The following MCM5 variants were observed in gnomAD, a reference collection of about 807,000 sequenced individuals.
MCM5 encodes DNA replication licensing factor MCM5.
A neutral mutation model predicts 79.9 loss-of-function variants in MCM5; 46 were observed. The observed-to-expected ratio is 0.58, with a 90% confidence interval of 0.45 to 0.74. The LOEUF (loss-of-function observed/expected upper bound fraction) is 0.74. MCM5 is among the 30% of genes least tolerant of loss of function. MCM5 has a pLI of 0.00. For missense variants in MCM5, 883 were observed against 1,017.0 expected, an observed-to-expected ratio of 0.87 and a Z score of 1.79; for synonymous variants, 404 against 390.5, an observed-to-expected ratio of 1.03 and a Z score of -0.41.
chr22:35,415,550 G>T (rs1283527515), intron 9 of MCM5, among the ~76,000 whole-genome samples: 1 of 152,172 alleles, frequency 6.6e-6, no homozygotes, highest in Non-Finnish European at 1.5e-5. Context: ...TCTGTGAGTT[G>T]GGCCTCACAA....
intron 5 of MCM5, 116 bp downstream of exon 5, chr22:35,406,841 G>A (rs1266091556): frequency 4.5e-6 from 5 of 1,110,756 alleles, no homozygotes; most frequent in Non-Finnish European, 3.9e-6. Flanking sequence ...GGGATGGGCT[G>A]GGCAGGGGTG....
At chr22:35,437,201 C>T in the MCM5 span, among the ~76,000 whole-genome samples, 17 of 146,434 alleles carry the variant, frequency 1.2e-4, no homozygotes, top group Admixed American at 6.2e-4. Context: ...GGCAGTGCCC[C>T]GAACATACTG....
the MCM5 span, among the ~76,000 whole-genome samples, chr22:35,439,917 C>T: frequency 6.6e-6 from 1 of 152,240 alleles, no homozygotes; most frequent in Non-Finnish European, 1.5e-5. Context: ...CTGCACCCAC[C>T]TTCCTTATAC....
chr22:35,427,094 C>T (rs574049360), downstream of MCM5, among the ~76,000 whole-genome samples: 9 of 152,322 alleles, frequency 5.9e-5, no homozygotes, highest in Admixed American at 5.9e-4. Context: ...AGACAGGAAG[C>T]CTAAGCGCAG....
intron 5 of MCM5, among the ~76,000 whole-genome samples, chr22:35,406,942 G>A (rs951301004): frequency 6.6e-6 from 1 of 152,202 alleles, no homozygotes; most frequent in Admixed American, 6.5e-5. Flanking sequence ...GTCTCACCAG[G>A]ATACCCAGAC....
At chr22:35,430,005 T>C (rs1262232143), downstream of MCM5, among the ~76,000 whole-genome samples, 1 of 152,180 alleles carries the variant, frequency 6.6e-6, no homozygotes, top group African/African-American at 2.4e-5. Context: ...ACACCGAAAG[T>C]CTTGCATCCC....
Position 35,413,290 on chromosome 22 carries a change from C to T in MCM5, c.1092-585C>T, listed in dbSNP as rs186397099. Among the ~76,000 whole-genome samples, 600 of 152,242 alleles carry T rather than the reference C, an allele frequency of 3.9e-3. 7 individuals are homozygous for T. Among genetic ancestry groups the T allele is most frequent in the African/African-American group, 0.013 (560 of 41,554 alleles). On this transcript the variant is annotated intron_variant, in intron 8 of 16. Coordinates refer to ENST00000216122, the MANE Select transcript of MCM5 (RefSeq NM_006739.4). ...CGATCTCCTGACCTCGTGATCCGCC[C>T]GCCTCGGCCTCCCAAAGTGCTGGGA...
At chr22:35,446,964 G>A in the MCM5 span, among the ~76,000 whole-genome samples, 6 of 152,230 alleles carry the variant, frequency 3.9e-5, no homozygotes, top group Non-Finnish European at 2.9e-5. Flanking sequence ...GGGGGCCTCA[G>A]CATCACCTGT....
At chr22:35,417,957 C>T in intron 13 of MCM5, 101 bp downstream of exon 13, 1 of 771,970 alleles carries the variant, frequency 1.3e-6, no homozygotes, top group East Asian at 2.6e-5. Context: ...GAAGAACAGC[C>T]CAGATGTTGC....
chr22:35,447,052 C>T, the MCM5 span, among the ~76,000 whole-genome samples: 3 of 152,320 alleles, frequency 2.0e-5, no homozygotes, highest in South Asian at 2.1e-4. Flanking sequence ...AGCTCAGGGA[C>T]GGCAGCTAGA....
the MCM5 span, among the ~76,000 whole-genome samples, chr22:35,443,390 T>C: frequency 4.6e-5 from 7 of 152,276 alleles, no homozygotes; most frequent in African/African-American, 1.7e-4. Flanking sequence ...CATTTTGCCA[T>C]GTTGGCCAGG....
rs377286200 is a variant in MCM5 at position 35,405,738 on chromosome 22, G to A, written c.424-815G>A. On this transcript the variant is annotated intron_variant, in intron 4 of 16. Transcript: ENST00000216122. ...AAAAATTAACATTACGGCCGGGCGC[G>A]GTGGCTCATGCCTGTAATCCCAGCA... Among the ~76,000 whole-genome samples, 327 of 152,156 alleles carry A rather than the reference G, an allele frequency of 2.1e-3. 4 individuals carry two copies. The highest frequency in any genetic ancestry group is 1.7e-3 in the South Asian group (8 of 4,824).
At position 35,424,374 on chromosome 22, in the gene MCM5, G is replaced by A. The variant is rs1364337025; in HGVS notation, c.*119G>A. 9.8e-6 allele frequency: 7 copies of A among 715,092 alleles called. No homozygotes were observed. The highest frequency in any genetic ancestry group is 1.6e-5 in the Non-Finnish European group (7 of 438,058). 44.3% of individuals were successfully genotyped at this position (715,092 alleles called of 1,614,324 possible). A position where few individuals can be genotyped will look rare whatever the true frequency, so the allele number is the denominator to read the frequency against. Reference sequence around the variant, plus strand: ...CCACTGCAGCCCTCGAACTTCCCAGGCACCCTCCTTTCTGCCCCAGAGGAA... The same window carrying A: ...CCACTGCAGCCCTCGAACTTCCCAGACACCCTCCTTTCTGCCCCAGAGGAA... On this transcript the variant is annotated 3_prime_UTR_variant, in exon 17 of 17. Transcript: ENST00000216122.
the MCM5 span, among the ~76,000 whole-genome samples, chr22:35,454,339 T>C: frequency 6.6e-6 from 1 of 152,162 alleles, no homozygotes; most frequent in African/African-American, 2.4e-5. Context: ...TGTTGCCCTC[T>C]ATTAAACAAA....
chr22:35,426,011 C>T (rs1208816146), downstream of MCM5, among the ~76,000 whole-genome samples: 1 of 152,102 alleles, frequency 6.6e-6, no homozygotes, highest in Non-Finnish European at 1.5e-5. Context: ...CTGACCTCGG[C>T]CTGAGTGGGA....
At chr22:35,419,701 A>G (rs1932643785) in intron 13 of MCM5, among the ~76,000 whole-genome samples, 183 bp from the exon 14 acceptor site, 1 of 152,178 alleles carries the variant, frequency 6.6e-6, no homozygotes, top group African/African-American at 2.4e-5. Context: ...TGTTTGTGGC[A>G]GCTGCCCACA....
rs1931992921 is a variant in MCM5 at position 35,400,179 on chromosome 22, C to T, written c.-38C>T. The T allele has an allele frequency of 2.0e-6, 1 of 501,420 alleles. No individual in the cohort carries two copies. The highest frequency in any genetic ancestry group is 2.1e-5 in the South Asian group (1 of 48,188). The allele number at this position is 501,420 out of a possible 1,614,324, so 31.1% of individuals were successfully genotyped here. ...GGCTGAGCGTGGAGGTTCTTGTCTC[C>T]CCTGGTTTGTGAAGTGCGGAAAACC... On this transcript the variant is annotated 5_prime_UTR_variant, in exon 1 of 17. Transcript: ENST00000216122.
rs1932539923 is a variant in MCM5 at position 35,416,363 on chromosome 22, A to G, written c.1372A>G (p.Ile458Val). The change falls in exon 11 of 17, where the codon ATC becomes GTC. Residue 458 changes from isoleucine (I) to valine (V), a missense_variant. Ile to Val is a conservative substitution (Grantham distance 29, BLOSUM62 3). Coordinates refer to ENST00000216122, the MANE Select transcript of MCM5 (RefSeq NM_006739.4). ...DKMREDDRVAIHEAMEQQTIS... is the reference protein window; with the variant it reads ...DKMREDDRVAVHEAMEQQTIS... Reference sequence around the variant, plus strand: ...GATGCGAGAAGATGACCGTGTGGCAATCCACGAAGCCATGGAGCAGCAGAC... The same window carrying G: ...GATGCGAGAAGATGACCGTGTGGCAGTCCACGAAGCCATGGAGCAGCAGAC... 9 of 1,613,538 alleles carry G rather than the reference A, an allele frequency of 5.6e-6. No individual in the cohort carries two copies. The South Asian group carries it at 8.8e-5, about 16-fold the overall frequency.
chr22:35,432,383 C>G, the MCM5 span, among the ~76,000 whole-genome samples: 1 of 152,130 alleles, frequency 6.6e-6, no homozygotes, highest in African/African-American at 2.4e-5. Context: ...GCGGGGAGTA[C>G]AGGTGGCAGG....
Sources: allele counts gnomAD v4.1 joint callset (sites outside exome capture counted in the v4.1 genomes callset), GRCh38; gene constraint gnomAD v4.1.1; transcripts MANE v1.5; gene names NCBI Gene and HGNC (gene_info 2026-07-23, HGNC 2026-07-21).